DLG2: variants seen among roughly 807,000 people sequenced by gnomAD.
The protein encoded by DLG2 is discs large MAGUK scaffold protein 2, also known as disks large homolog 2.
DLG2 carries 45 observed loss-of-function variants against 132.5 expected under a neutral mutation model. The ratio of observed to expected loss-of-function variants is 0.34; its 90% confidence interval spans 0.27 to 0.44. The LOEUF (loss-of-function observed/expected upper bound fraction) is 0.44. Among genes scored for constraint, DLG2 ranks in the 20% least tolerant of loss-of-function variants. DLG2 has a pLI of 1.00. For synonymous variants in DLG2, 424 were observed against 419.6 expected (o/e 1.01, Z -0.13); for missense variants, 1,045 against 1,196.9 (o/e 0.87, Z 1.87).
At chr11:83,519,719 G>T (rs1354314922) in intron 21 of DLG2, among the ~76,000 whole-genome samples, 1 of 152,178 alleles carries the variant, frequency 6.6e-6, no homozygotes, top group Non-Finnish European at 1.5e-5. Context: ...TTTGCCAAAT[G>T]TGAGCTTTGC....
chr11:85,606,368 C>G (rs529238372), intron 2 of DLG2, among the ~76,000 whole-genome samples: 2 of 152,088 alleles, frequency 1.3e-5, no homozygotes, highest in East Asian at 3.9e-4. Context: ...GTAAATGCAC[C>G]AATCAGTGCT....
At chr11:84,804,954 A>G (rs115568748) in intron 6 of DLG2, among the ~76,000 whole-genome samples, 239 of 152,220 alleles carry the variant, frequency 1.6e-3, no homozygotes, top group African/African-American at 5.5e-3. Flanking sequence ...GGGAGCTTAG[A>G]TCTCCACTCC....
intron 8 of DLG2, among the ~76,000 whole-genome samples, chr11:84,177,938 C>T (rs1193757115): frequency 6.6e-6 from 1 of 151,736 alleles, no homozygotes; most frequent in Admixed American, 6.6e-5. Context: ...CAGAAATTGC[C>T]AACAATAGCC....
chr11:84,292,685 C>T (rs2098020490), intron 7 of DLG2, among the ~76,000 whole-genome samples: 1 of 152,066 alleles, frequency 6.6e-6, no homozygotes, highest in South Asian at 2.1e-4. Flanking sequence ...CCTTGTCAAA[C>T]TTGATAGAGA....
intron 5 of DLG2, among the ~76,000 whole-genome samples, chr11:85,123,398 G>C (rs1394167684): frequency 1.3e-5 from 2 of 152,120 alleles, no homozygotes; most frequent in Non-Finnish European, 2.9e-5. Context: ...GTAAGAATTA[G>C]TGAGTCTCTG....
At chr11:85,324,109 G>C (rs975733199) in intron 3 of DLG2, among the ~76,000 whole-genome samples, 11 of 152,122 alleles carry the variant, frequency 7.2e-5, no homozygotes, top group African/African-American at 2.7e-4. Flanking sequence ...GCTTGGGGTA[G>C]GGGGTCACAC....
At chr11:84,597,063 A>G (rs2099562136) in intron 6 of DLG2, among the ~76,000 whole-genome samples, 2 of 152,184 alleles carry the variant, frequency 1.3e-5, no homozygotes, top group African/African-American at 4.8e-5. Context: ...TCTACTAAAA[A>G]TACAAAATTA....
chr11:83,758,808 T>C (rs2093766837), intron 18 of DLG2, among the ~76,000 whole-genome samples: 1 of 152,224 alleles, frequency 6.6e-6, no homozygotes, highest in African/African-American at 2.4e-5. Context: ...ATCACCCTCC[T>C]CTTTACTCAT....
chr11:85,111,098 A>G (rs941105301), intron 6 of DLG2, among the ~76,000 whole-genome samples: 1 of 152,132 alleles, frequency 6.6e-6, no homozygotes, highest in Non-Finnish European at 1.5e-5. Context: ...CAGTGCTACA[A>G]TTGATGCACT....
chr11:84,237,897 C>T (rs557222389), intron 8 of DLG2, among the ~76,000 whole-genome samples: 2 of 151,496 alleles, frequency 1.3e-5, no homozygotes, highest in Non-Finnish European at 2.9e-5. Flanking sequence ...AAAAATTAGC[C>T]GGGTGTGGTG....
chr11:85,422,362 T>C (rs773188139), intron 3 of DLG2, among the ~76,000 whole-genome samples: 5 of 152,188 alleles, frequency 3.3e-5, no homozygotes, highest in African/African-American at 4.8e-5. Context: ...CCAGATTTCT[T>C]GGAGGCTTTG....
intron 7 of DLG2, 116 bp from the exon 8 acceptor site, chr11:84,251,407 G>A (rs2097370111): frequency 1.4e-6 from 1 of 693,850 alleles, no homozygotes; most frequent in Non-Finnish European, 2.3e-6. Context: ...ACCTCTACAG[G>A]CACCGTGTCA....
At position 83,809,730 on chromosome 11, in the gene DLG2, C is replaced by T. The variant is rs567265104; in HGVS notation, c.1723-22938G>A. ...ACCCATCCTTTGCCAATATTTTCTT[C>T]CCTCTTAAAAGTATGAAATAAGTAC... On this transcript the variant is annotated intron_variant, in intron 17 of 27. Coordinates refer to ENST00000376104, the MANE Select transcript of DLG2 (RefSeq NM_001142699.3). Among the ~76,000 whole-genome samples, 19 of 152,204 alleles carry T rather than the reference C, an allele frequency of 1.2e-4. 1 individual carries two copies. The East Asian group carries it at 3.7e-3, about 29-fold the overall frequency.
At position 84,531,840 on chromosome 11, in the gene DLG2, C is replaced by T. The variant is rs376470934; in HGVS notation, c.519+2730G>A. On this transcript the variant is annotated intron_variant, in intron 7 of 27. Coordinates refer to ENST00000376104, the MANE Select transcript of DLG2 (RefSeq NM_001142699.3). ...CAGAAAATCTAGGCTAAGAGAAACC[C>T]ATTGAAGTTGAATACAGTTAATTTT... Among the ~76,000 whole-genome samples, 7 of 151,516 alleles carry T rather than the reference C, an allele frequency of 4.6e-5. No homozygotes were observed. The East Asian group carries it at 7.7e-4, about 17-fold the overall frequency.
chr11:84,517,864 T>C (rs901577444), intron 7 of DLG2, among the ~76,000 whole-genome samples: 3 of 151,964 alleles, frequency 2.0e-5, no homozygotes, highest in Non-Finnish European at 2.9e-5. Context: ...TGGATGAACC[T>C]GAAAGACATT....
intron 18 of DLG2, among the ~76,000 whole-genome samples, chr11:83,689,879 A>C (rs1444784923): frequency 6.8e-6 from 1 of 147,134 alleles, no homozygotes; most frequent in East Asian, 1.9e-4. Flanking sequence ...TAATATTTAC[A>C]TAATTGATAT....
chr11:85,474,695 C>A (rs547880203), intron 3 of DLG2, among the ~76,000 whole-genome samples: 113 of 151,568 alleles, frequency 7.5e-4, no homozygotes, highest in Admixed American at 5.9e-3. Context: ...AATAAGGTAG[C>A]CTTTAAAATC....
At chr11:83,924,033 T>C (rs1026760814) in intron 15 of DLG2, among the ~76,000 whole-genome samples, 1 of 152,110 alleles carries the variant, frequency 6.6e-6, no homozygotes, top group South Asian at 2.1e-4. Flanking sequence ...CCAGAAGGCA[T>C]TGTGTGCCTT....
chr11:83,872,274 C>T (rs74238649), intron 16 of DLG2, among the ~76,000 whole-genome samples: 485 of 152,130 alleles, frequency 3.2e-3, no homozygotes, highest in East Asian at 0.011. Flanking sequence ...AACAAATTGG[C>T]GAGTTGTATA....
Sources: gnomAD v4.1 joint callset for allele counts (sites outside exome capture counted in the v4.1 genomes callset) on GRCh38, gnomAD v4.1.1 for gene constraint, MANE v1.5 for transcripts, NCBI Gene and HGNC (gene_info 2026-07-23, HGNC 2026-07-21) for gene names.